MAPRE3: variants seen among roughly 807,000 people sequenced by gnomAD.
MAPRE3 encodes microtubule associated protein RP/EB family member 3.
MAPRE3 carries 2 observed loss-of-function variants against 30.5 expected under a neutral mutation model. The ratio of observed to expected loss-of-function variants is 0.07; its 90% CI spans 0.03 to 0.21. The LOEUF (loss-of-function observed/expected upper bound fraction) is 0.21. MAPRE3 is among the 10% of genes least tolerant of loss of function. The pLI is 1.00. For synonymous variants in MAPRE3, 110 were observed against 127.7 expected, an observed-to-expected ratio of 0.86 and a Z score of 0.93; for missense variants, 204 against 351.8, an observed-to-expected ratio of 0.58 and a Z score of 3.36.
At chr2:26,984,698 C>T (rs1666185486) in intron 1 of MAPRE3, 1 of 152,260 alleles carries the variant, frequency 6.6e-6, no homozygotes, top group African/African-American at 2.4e-5. Flanking sequence ...ACAGAAAGCT[C>T]GTTGCCACCA....
At chr2:26,980,787 A>G (rs1666098409) in intron 1 of MAPRE3, among the ~76,000 whole-genome samples, 2 of 152,248 alleles carry the variant, frequency 1.3e-5, no homozygotes, top group African/African-American at 4.8e-5. Context: ...AAAGTTTGGT[A>G]TTGACGAAGA....
rs544151533 is a variant in MAPRE3, at chr2:26,990,223, G to A, written c.-8+19421G>A. On this transcript the variant is annotated intron_variant, in intron 1 of 6. Transcript: ENST00000233121. ...ATTTTGATGCAGACCAAAGTTTGAA[G>A]AACAGTGTAGCTCCCCTGGACTCCT... Among the ~76,000 whole-genome samples, 278 of 152,274 alleles carry A rather than the reference G, an allele frequency of 1.8e-3. 2 individuals are homozygous for A. The highest frequency in any genetic ancestry group is 4.4e-3 in the Admixed American group (68 of 15,302).
chr2:27,022,488 G>A (rs1558387609), intron 2 of MAPRE3, 149 bp downstream of exon 2: 1 of 1,053,760 alleles, frequency 9.5e-7, no homozygotes, highest in South Asian at 1.5e-5. Context: ...CGATGTTGTT[G>A]TTGTGTGAAC....
rs1666200345 is a variant in MAPRE3 at position 26,985,537 on chromosome 2, A to G, written c.-8+14735A>G. The stretch of plus-strand genomic sequence containing the variant: ...CCACAGGGCAACCACCATAACTCAG[A>G]GCAACCCCTGGAGAATGAGAGAGCA... On this transcript the variant is annotated intron_variant, in intron 1 of 6. Coordinates refer to ENST00000233121, the MANE Select transcript of MAPRE3 (RefSeq NM_012326.4). The surrounding 1 kb of genome is among the most constrained non-coding windows in gnomAD (Gnocchi z 4.2). 6.6e-6 allele frequency among the ~76,000 whole-genome samples: 1 copy of G among 152,182 alleles called. No individual in the cohort carries two copies. The highest frequency in any genetic ancestry group is 1.5e-5 in the Non-Finnish European group (1 of 68,038).
intron 1 of MAPRE3, among the ~76,000 whole-genome samples, chr2:26,996,208 A>G (rs771510149): frequency 1.3e-4 from 20 of 151,534 alleles, no homozygotes; most frequent in Non-Finnish European, 2.6e-4. Flanking sequence ...GCTGGAGTAC[A>G]GTGGTGAGAT....
chr2:26,981,501 T>C (rs2148198713), intron 1 of MAPRE3, among the ~76,000 whole-genome samples: 1 of 152,294 alleles, frequency 6.6e-6, no homozygotes, highest in Middle Eastern at 3.4e-3. Context: ...GATTTTCATA[T>C]TAAAATTTGG....
intron 1 of MAPRE3, among the ~76,000 whole-genome samples, chr2:27,008,048 G>A (rs1382846592): frequency 6.6e-6 from 1 of 152,156 alleles, no homozygotes; most frequent in Non-Finnish European, 1.5e-5. Flanking sequence ...AGAGGGTATT[G>A]TGCAAGTTTG....
intron 6 of MAPRE3, 111 bp downstream of exon 6, chr2:27,026,143 T>C (rs1177724353): frequency 6.9e-7 from 1 of 1,449,302 alleles, no homozygotes; most frequent in Non-Finnish European, 9.5e-7. Flanking sequence ...GAGAGAGAGG[T>C]GAAGTCACTA....
chr2:26,980,739 G>A (rs1666097588), intron 1 of MAPRE3, among the ~76,000 whole-genome samples: 2 of 152,136 alleles, frequency 1.3e-5, no homozygotes, highest in African/African-American at 2.4e-5. Flanking sequence ...TTTATACAAC[G>A]TTCTTCATGG....
intron 1 of MAPRE3, among the ~76,000 whole-genome samples, chr2:27,010,280 T>C (rs578063402): frequency 6.6e-6 from 1 of 152,304 alleles, no homozygotes; most frequent in South Asian, 2.1e-4. Context: ...TTTTCATTTG[T>C]GATACAGTGT....
intron 1 of MAPRE3, among the ~76,000 whole-genome samples, chr2:26,980,928 G>T (rs977378582): frequency 2.0e-5 from 3 of 152,184 alleles, no homozygotes; most frequent in Non-Finnish European, 2.9e-5. Flanking sequence ...CCCAGGGAAA[G>T]GTTCCTTTGA....
At position 27,017,285 on chromosome 2, in the gene MAPRE3, C is replaced by T. The variant is rs537502774; in HGVS notation, c.-7-4927C>T. On this transcript the variant is annotated intron_variant, in intron 1 of 6. Coordinates refer to ENST00000233121, the MANE Select transcript of MAPRE3 (RefSeq NM_012326.4). ...GTAGCACCAGTTGTGAGGACCTGAG[C>T]GAGTCCTGAGTAGGGACTGAAGCTG... 5.9e-5 allele frequency among the ~76,000 whole-genome samples: 9 copies of T among 152,286 alleles called. No individual in the cohort carries two copies. In the East Asian group the frequency reaches 1.7e-3, roughly 29 times the overall value.
intron 1 of MAPRE3, among the ~76,000 whole-genome samples, chr2:26,991,127 G>A (rs953420678): frequency 1.3e-5 from 2 of 152,178 alleles, no homozygotes; most frequent in East Asian, 1.9e-4. Flanking sequence ...GGTGGTGGGC[G>A]CCTGTAGTCC....
At chr2:26,993,082 G>A (rs903797110) in intron 1 of MAPRE3, among the ~76,000 whole-genome samples, 11 of 152,002 alleles carry the variant, frequency 7.2e-5, no homozygotes, top group East Asian at 1.9e-4. Context: ...ATATTAGGAC[G>A]TTATTAGCCA....
intron 1 of MAPRE3, among the ~76,000 whole-genome samples, chr2:26,989,636 G>A (rs893109501): frequency 9.2e-5 from 14 of 151,456 alleles, no homozygotes; most frequent in Non-Finnish European, 2.1e-4. Flanking sequence ...CTGGTGTAGA[G>A]GAGGGTGCTA....
intron 1 of MAPRE3, among the ~76,000 whole-genome samples, chr2:26,981,189 A>G (rs1197039866): frequency 6.6e-6 from 1 of 152,132 alleles, no homozygotes; most frequent in African/African-American, 2.4e-5. Flanking sequence ...CATTGGACCT[A>G]TGAATTCATA....
intron 1 of MAPRE3, among the ~76,000 whole-genome samples, chr2:27,021,479 C>T (rs1417862322): frequency 6.6e-6 from 1 of 152,188 alleles, no homozygotes; most frequent in African/African-American, 2.4e-5. Flanking sequence ...AATTTAGATG[C>T]CTCTGCATCA....
chr2:27,017,937 A>G (rs1216384580), intron 1 of MAPRE3, among the ~76,000 whole-genome samples: 3 of 152,208 alleles, frequency 2.0e-5, no homozygotes, highest in Non-Finnish European at 4.4e-5. Flanking sequence ...CTCCTAGTAA[A>G]GAATCTCTGC....
rs1248158499 is a variant in MAPRE3, at chr2:26,972,707, G to A, written c.-8+1905G>A. Reference sequence around the variant, plus strand: ...ATCAGCGATATTACTGGGGTGGAGGGTTGTGAATTAAGGAGGAAGAAAATG... The same window carrying A: ...ATCAGCGATATTACTGGGGTGGAGGATTGTGAATTAAGGAGGAAGAAAATG... On this transcript the variant is annotated intron_variant, in intron 1 of 6. Coordinates refer to ENST00000233121, the MANE Select transcript of MAPRE3 (RefSeq NM_012326.4). Among the ~76,000 whole-genome samples, 4 of 152,240 alleles carry A rather than the reference G, an allele frequency of 2.6e-5. No homozygotes were observed. The South Asian group carries it at 8.3e-4, about 31-fold the overall frequency.
Sources: gnomAD v4.1 joint callset for allele counts (sites outside exome capture counted in the v4.1 genomes callset) on GRCh38, gnomAD v4.1.1 for gene constraint, Gnocchi (gnomAD v3.1) non-coding constraint, MANE v1.5 for transcripts, NCBI Gene and HGNC (gene_info 2026-07-23, HGNC 2026-07-21) for gene names.